Variants in ARHGAP12 observed in about 807,000 individuals in gnomAD.
The protein encoded by ARHGAP12 is rho GTPase-activating protein 12.
In ARHGAP12, 64 loss-of-function variants were observed where a neutral mutation model predicts 108.6. That is an observed-to-expected ratio of 0.59 (90% CI 0.48 to 0.73). The LOEUF (loss-of-function observed/expected upper bound fraction) is 0.73. Ranked by LOEUF, ARHGAP12 falls within the 30% of genes least tolerant of loss-of-function variation. ARHGAP12 has a pLI of 0.00. For missense variants in ARHGAP12, 940 were observed against 1,005.9 expected, an observed-to-expected ratio of 0.93 and a Z score of 0.89; for synonymous variants, 312 against 337.2, an observed-to-expected ratio of 0.93 and a Z score of 0.82.
At chr10:31,807,878 G>A in intron 19 of ARHGAP12, 46 bp from the exon 20 acceptor site, 3 of 1,362,052 alleles carry the variant, frequency 2.2e-6, no homozygotes, top group Non-Finnish European at 2.9e-6. Context: ...TAAGAGAGAG[G>A]GAAAATTCTT....
intron 10 of ARHGAP12, among the ~76,000 whole-genome samples, chr10:31,829,154 A>AAACAACAAC (rs35308949): frequency 1.3e-5 from 2 of 151,316 alleles, no homozygotes; most frequent in Non-Finnish European, 2.9e-5. Context: ...TCTGTCTCAA[A>AAACAACAAC]AACAACAACA....
chr10:31,916,366 A>G (rs1466753555), intron 1 of ARHGAP12, among the ~76,000 whole-genome samples: 3 of 152,124 alleles, frequency 2.0e-5, no homozygotes, highest in African/African-American at 2.4e-5. Flanking sequence ...GCCTGCTTAT[A>G]TATTTTACTT....
At chr10:31,904,717 C>A (rs1839056928) in intron 3 of ARHGAP12, among the ~76,000 whole-genome samples, 2 of 152,130 alleles carry the variant, frequency 1.3e-5, no homozygotes, top group South Asian at 4.1e-4. Context: ...ACCTCTGCCT[C>A]CTGGGCTCAA....
At chr10:31,837,004 AGGGTACT>A (rs1348991139) in intron 9 of ARHGAP12, among the ~76,000 whole-genome samples, 2 of 152,166 alleles carry the variant, frequency 1.3e-5, no homozygotes, top group Non-Finnish European at 1.5e-5. Context: ...TGGCCATCAG[AGGGTACT>A]GTGAGTCCGG....
In ARHGAP12 at chr10:31,844,158, G is replaced by C. The variant is rs150592128; in HGVS notation, c.1171-572C>G. On this transcript the variant is annotated intron_variant, in intron 6 of 19. Coordinates refer to ENST00000344936, the MANE Select transcript of ARHGAP12 (RefSeq NM_018287.7). ...TGAAGATATCTTTTCCTAGTTTGTA[G>C]CCCATCTTCTCCCCTTTGATTACAT... Among the ~76,000 whole-genome samples the C allele has an allele frequency of 1.6e-3, 244 of 152,180 alleles. 1 individual carries two copies. Among genetic ancestry groups the C allele is most frequent in the Non-Finnish European group, 2.2e-3 (151 of 68,000 alleles).
At chr10:31,816,917 T>A (rs536745767) in intron 13 of ARHGAP12, among the ~76,000 whole-genome samples, 60 of 152,350 alleles carry the variant, frequency 3.9e-4, no homozygotes, top group Middle Eastern at 6.8e-3. Context: ...GCTTCATAAC[T>A]AATTTGCTAG....
At chr10:31,842,456 G>A (rs1391104729) in intron 7 of ARHGAP12, among the ~76,000 whole-genome samples, 1 of 151,982 alleles carries the variant, frequency 6.6e-6, no homozygotes, top group African/African-American at 2.4e-5. Flanking sequence ...TTACAAACTA[G>A]AAACTAGAAA....
At chr10:31,913,893 C>A (rs1454289381) in intron 1 of ARHGAP12, 1 of 152,480 alleles carries the variant, frequency 6.6e-6, no homozygotes, top group Admixed American at 6.6e-5. Flanking sequence ...TTTAGATAGC[C>A]CTGTCCTGGT....
chr10:31,907,716 AC>A (rs1377622699), intron 3 of ARHGAP12, among the ~76,000 whole-genome samples: 1 of 152,138 alleles, frequency 6.6e-6, no homozygotes, highest in Non-Finnish European at 1.5e-5. Flanking sequence ...GGATACTTAG[AC>A]ACTTAAGACA....
chr10:31,818,178 A>G (rs1592248776), intron 12 of ARHGAP12, among the ~76,000 whole-genome samples: 1 of 152,370 alleles, frequency 6.6e-6, no homozygotes, highest in African/African-American at 2.4e-5. Flanking sequence ...TGCTGAAACT[A>G]GTACGTTTAT....
At chr10:31,824,157 T>C (rs937313495) in intron 11 of ARHGAP12, among the ~76,000 whole-genome samples, 1 of 152,142 alleles carries the variant, frequency 6.6e-6, no homozygotes, top group African/African-American at 2.4e-5. Flanking sequence ...TATGTAGCAA[T>C]GGGGAAAACA....
intron 10 of ARHGAP12, among the ~76,000 whole-genome samples, chr10:31,829,520 T>C (rs560733720): frequency 6.6e-6 from 1 of 152,180 alleles, no homozygotes; most frequent in African/African-American, 2.4e-5. Context: ...AAACAGAAAG[T>C]AGAACTTTGG....
At chr10:31,924,338 G>C (rs1017853424) in intron 1 of ARHGAP12, among the ~76,000 whole-genome samples, 33 of 152,080 alleles carry the variant, frequency 2.2e-4, no homozygotes, top group African/African-American at 7.5e-4. Context: ...TCTAAAATAG[G>C]AAACAGTACA....
chr10:31,889,882 C>A (rs1838347761), intron 3 of ARHGAP12, among the ~76,000 whole-genome samples: 1 of 151,344 alleles, frequency 6.6e-6, no homozygotes, highest in Non-Finnish European at 1.5e-5. Context: ...CCATGCCTGG[C>A]CAGATTTTTG....
intron 3 of ARHGAP12, among the ~76,000 whole-genome samples, chr10:31,905,256 G>C (rs953896877): frequency 6.6e-6 from 1 of 151,872 alleles, no homozygotes; most frequent in East Asian, 1.9e-4. Context: ...AAAATTTTGC[G>C]GGGTTTTTTG....
intron 3 of ARHGAP12, among the ~76,000 whole-genome samples, chr10:31,899,110 C>T (rs1838822497): frequency 6.6e-6 from 1 of 152,108 alleles, no homozygotes; most frequent in Admixed American, 6.6e-5. Context: ...ATAAAAGGTC[C>T]AGAATCGGAA....
At chr10:31,831,491 A>G (rs969572307) in intron 10 of ARHGAP12, among the ~76,000 whole-genome samples, 2 of 151,996 alleles carry the variant, frequency 1.3e-5, no homozygotes, top group Admixed American at 1.3e-4. Context: ...GAAAAAAAAA[A>G]TATTAAAGCA....
At chr10:31,892,786 T>G (rs981191192) in intron 3 of ARHGAP12, among the ~76,000 whole-genome samples, 56 of 152,150 alleles carry the variant, frequency 3.7e-4, no homozygotes, top group Non-Finnish European at 2.9e-5. Flanking sequence ...CCACCCCAAA[T>G]CAACAGAATA....
intron 3 of ARHGAP12, among the ~76,000 whole-genome samples, chr10:31,873,736 A>C (rs1384798796): frequency 6.6e-6 from 1 of 152,238 alleles, no homozygotes; most frequent in African/African-American, 2.4e-5. Context: ...AATCCATAGA[A>C]TATTTCAAGA....
Sources: gnomAD v4.1 joint callset for allele counts (sites outside exome capture counted in the v4.1 genomes callset) on GRCh38, gnomAD v4.1.1 for gene constraint, MANE v1.5 for transcripts, NCBI Gene and HGNC (gene_info 2026-07-23, HGNC 2026-07-21) for gene names.